Variants in KIDINS220 observed in about 807,000 individuals in gnomAD.
KIDINS220 encodes kinase D interacting substrate 220.
In KIDINS220, 63 loss-of-function variants were observed where a neutral mutation model predicts 157.6. The observed-to-expected ratio is 0.40, with a 90% CI of 0.33 to 0.49. The LOEUF is 0.49. KIDINS220 is among the 20% of genes least tolerant of loss of function. The pLI is 0.66. For synonymous variants in KIDINS220, 732 were observed against 783.6 expected (o/e 0.93, Z 1.10); for missense variants, 1,772 against 2,171.2 (o/e 0.82, Z 3.65).
chr2:8,752,379 A>G (rs1667483366), intron 22 of KIDINS220, among the ~76,000 whole-genome samples: 1 of 152,178 alleles, frequency 6.6e-6, no homozygotes, highest in African/African-American at 2.4e-5. Flanking sequence ...TTACAAAAAA[A>G]GGTAACAATG....
At chr2:8,784,844 C>T (rs1181041117) in intron 17 of KIDINS220, among the ~76,000 whole-genome samples, 1 of 152,198 alleles carries the variant, frequency 6.6e-6, no homozygotes, top group African/African-American at 2.4e-5. Flanking sequence ...TCAGAACAGT[C>T]TGGTTGTTTC....
In KIDINS220 at chr2:8,813,347, A is replaced by G. The variant is rs772875518; in HGVS notation, c.307-12T>C. 18 of 1,577,844 alleles carry G rather than the reference A, an allele frequency of 1.1e-5. No individual in the cohort carries two copies. Among genetic ancestry groups the G allele is most frequent in the Non-Finnish European group, 1.4e-5 (16 of 1,153,428 alleles). ...GCTGTCCATCCTCCCTAAACAAAAAATGTAGGGGTAAGGGAATCAAACTTT... is the reference window on the plus strand; with the variant it reads ...GCTGTCCATCCTCCCTAAACAAAAAGTGTAGGGGTAAGGGAATCAAACTTT... On this transcript the variant is annotated splice_polypyrimidine_tract_variant and intron_variant, in intron 4 of 29. Coordinates refer to ENST00000256707, the MANE Select transcript of KIDINS220 (RefSeq NM_020738.4).
chr2:8,726,698 A>C (rs1021114095), downstream of KIDINS220, among the ~76,000 whole-genome samples: 5 of 152,198 alleles, frequency 3.3e-5, no homozygotes, highest in Non-Finnish European at 7.3e-5. Context: ...ACATCTGTAC[A>C]GCACGGTACT....
At chr2:8,764,373 T>C (rs568251074) in intron 22 of KIDINS220, among the ~76,000 whole-genome samples, 1 of 152,204 alleles carries the variant, frequency 6.6e-6, no homozygotes, top group South Asian at 2.1e-4. Flanking sequence ...AAAAACCACT[T>C]GTACTCCAAA....
intron 2 of KIDINS220, among the ~76,000 whole-genome samples, chr2:8,821,577 G>A (rs147813564): frequency 2.1e-4 from 32 of 152,294 alleles, no homozygotes; most frequent in African/African-American, 7.2e-4. Context: ...GGGTTCTGAA[G>A]CCATCTATCA....
intron 4 of KIDINS220, among the ~76,000 whole-genome samples, chr2:8,813,575 A>G (rs1195873919): frequency 6.6e-6 from 1 of 152,232 alleles, no homozygotes; most frequent in East Asian, 1.9e-4. Flanking sequence ...CCTGAATTAG[A>G]GAACATTCAT....
chr2:8,795,445 G>C (rs868633362), intron 11 of KIDINS220, among the ~76,000 whole-genome samples: 1 of 152,230 alleles, frequency 6.6e-6, no homozygotes, highest in Non-Finnish European at 1.5e-5. Context: ...TAATCAGAGA[G>C]CAGTGACGGG....
chr2:8,786,420 A>G (rs960572656), intron 15 of KIDINS220, 63 bp from the exon 16 acceptor site: 5 of 1,289,130 alleles, frequency 3.9e-6, no homozygotes, highest in Middle Eastern at 1.9e-4. Context: ...ACTTCAATGT[A>G]TGTCATCTTT....
intron 1 of KIDINS220, among the ~76,000 whole-genome samples, chr2:8,834,224 C>A (rs959702524): frequency 1.3e-5 from 2 of 152,066 alleles, no homozygotes; most frequent in African/African-American, 2.4e-5. Flanking sequence ...TTCTTACAAC[C>A]ATTCTGTGCT....
In KIDINS220 at chr2:8,791,124, G is replaced by A. The variant is rs1308953305; in HGVS notation, c.1377C>T (p.Pro459=). ...ACTGTGCATATAACCCCACACAAATGGGTGGCTGCATGGTAGGCTCACTGA... is the reference window on the plus strand; with the variant it reads ...ACTGTGCATATAACCCCACACAAATAGGTGGCTGCATGGTAGGCTCACTGA... ...DILSEPTMQP[P]ICVGLYAQWG... Residue 459 remains proline (P), a synonymous_variant, in exon 13 of 30, where the codon CCC becomes CCT. Coordinates refer to ENST00000256707, the MANE Select transcript of KIDINS220 (RefSeq NM_020738.4). 1.2e-6 allele frequency: 2 copies of A among 1,614,096 alleles called. No homozygotes were observed. The highest frequency in any genetic ancestry group is 3.3e-5 in the Admixed American group (2 of 60,020).
In KIDINS220 at chr2:8,776,859, T is replaced by A; in HGVS notation, c.2737A>T (p.Ile913Phe). 1 of 1,614,072 alleles carries A rather than the reference T, an allele frequency of 6.2e-7. No homozygotes were observed. The highest frequency in any genetic ancestry group is 8.5e-7 in the Non-Finnish European group (1 of 1,179,964). The change falls in exon 21 of 30, where the codon ATC becomes TTC. Residue 913 changes from isoleucine (I) to phenylalanine (F), a missense_variant. Around this residue, in one of 3 missense-constraint regions of KIDINS220, gnomAD observed 725 missense variants for 1,017.1 expected, o/e 0.71. Transcript: ENST00000256707. The part of the protein sequence containing the change: ...TYRRRQMQRT[I>F]TRQMSFDLTK... ...AGATCAAAGGACATCTGGCGAGTGATGGTCCTCTGCATCTGCCTTCTTCGG... is the reference window on the plus strand; with the variant it reads ...AGATCAAAGGACATCTGGCGAGTGAAGGTCCTCTGCATCTGCCTTCTTCGG...
intron 6 of KIDINS220, among the ~76,000 whole-genome samples, chr2:8,809,874 T>C (rs548813079): frequency 2.6e-5 from 4 of 152,238 alleles, no homozygotes; most frequent in Non-Finnish European, 5.9e-5. Context: ...ACTACACTAC[T>C]TAAAACCCCC....
At chr2:8,776,915 A>G in intron 20 of KIDINS220, 23 bp from the exon 21 acceptor site, 2 of 1,611,616 alleles carry the variant, frequency 1.2e-6, no homozygotes, top group Non-Finnish European at 1.7e-6. Context: ...GTCGTCAGTG[A>G]GAAGGAACCC....
intron 22 of KIDINS220, among the ~76,000 whole-genome samples, chr2:8,769,550 T>C (rs1669909182): frequency 6.6e-6 from 1 of 152,240 alleles, no homozygotes; most frequent in South Asian, 2.1e-4. Flanking sequence ...GGGCTTTATG[T>C]ATAAATATAA....
rs549964391 is a variant in KIDINS220, at chr2:8,806,421, A to G, written c.505-52T>C. On this transcript the variant is annotated intron_variant, in intron 6 of 29. Coordinates refer to ENST00000256707, the MANE Select transcript of KIDINS220 (RefSeq NM_020738.4). Reference sequence around the variant, plus strand: ...ATTATTATAAAAAGTATACTCAAAGAAACTAGCTCTTAACATGAATTTTAA... The same window carrying G: ...ATTATTATAAAAAGTATACTCAAAGGAACTAGCTCTTAACATGAATTTTAA... The G allele has an allele frequency of 8.1e-6, 9 of 1,106,308 alleles. No individual in the cohort carries two copies. The East Asian group carries it at 2.3e-4, about 28-fold the overall frequency. 68.5% of individuals were successfully genotyped at this position (1,106,308 alleles called of 1,614,324 possible).
intron 26 of KIDINS220, among the ~76,000 whole-genome samples, chr2:8,744,180 ATAT>A (rs1483242939): frequency 6.9e-6 from 1 of 144,388 alleles, no homozygotes; most frequent in Non-Finnish European, 1.5e-5. Context: ...TATTTATATT[ATAT>A]ATTATTAATT....
intron 6 of KIDINS220, among the ~76,000 whole-genome samples, chr2:8,811,279 T>C (rs189294968): frequency 6.3e-5 from 9 of 143,218 alleles, no homozygotes; most frequent in African/African-American, 1.3e-4. Flanking sequence ...CTGGAAATAA[T>C]GGAGGTACAA....
chr2:8,727,690 G>GC (rs1204799836), downstream of KIDINS220, among the ~76,000 whole-genome samples: 1 of 152,076 alleles, frequency 6.6e-6, no homozygotes, highest in Non-Finnish European at 1.5e-5. Context: ...TAGCATTTTC[G>GC]CAAGTAAGTT....
intron 5 of KIDINS220, among the ~76,000 whole-genome samples, chr2:8,812,903 T>C (rs2148375477): frequency 6.6e-6 from 1 of 152,334 alleles, no homozygotes; most frequent in African/African-American, 2.4e-5. Flanking sequence ...AGTATGATTA[T>C]TTTGTAAATG....
Sources: allele counts gnomAD v4.1 joint callset (sites outside exome capture counted in the v4.1 genomes callset), GRCh38; gene constraint gnomAD v4.1.1; regional missense constraint gnomAD v4.1.1; transcripts MANE v1.5; gene names NCBI Gene and HGNC (gene_info 2026-07-23, HGNC 2026-07-21).